Variants in PLCG2 observed in about 807,000 individuals in gnomAD.
PLCG2 encodes the protein 1-phosphatidylinositol 4,5-bisphosphate phosphodiesterase gamma-2.
A neutral mutation model predicts 175.6 loss-of-function variants in PLCG2; 69 were observed. That is an observed-to-expected ratio of 0.39 (90% CI 0.32 to 0.48). The LOEUF (loss-of-function observed/expected upper bound fraction) is 0.48, where lower values mean the gene tolerates loss of function less well. PLCG2 is among the 20% of genes least tolerant of loss of function. The probability of loss-of-function intolerance (pLI) is 0.91; values close to 1 mark genes in which losing one functional copy is unlikely to be tolerated. For missense variants in PLCG2, 1,798 were observed against 1,650.9 expected (o/e 1.09, Z -1.54); for synonymous variants, 827 against 624.0 (o/e 1.33, Z -4.85).
At chr16:81,903,727 C>T (rs989679287) in intron 14 of PLCG2, among the ~76,000 whole-genome samples, 6 of 152,188 alleles carry the variant, frequency 3.9e-5, no homozygotes, top group African/African-American at 1.4e-4. Flanking sequence ...AGCCTGGTTG[C>T]ATGTGCTCTT....
intron 7 of PLCG2, among the ~76,000 whole-genome samples, chr16:81,879,825 C>T (rs996416253): frequency 2.6e-5 from 4 of 152,164 alleles, no homozygotes; most frequent in Non-Finnish European, 4.4e-5. Flanking sequence ...TGCTCCATGG[C>T]GCCCCCCTTG....
intron 2 of PLCG2, among the ~76,000 whole-genome samples, chr16:81,773,909 A>G (rs1374451728): frequency 6.6e-6 from 1 of 152,076 alleles, no homozygotes; most frequent in Non-Finnish European, 1.5e-5. Flanking sequence ...TGTGCCCATC[A>G]TGCAGGACTT....
At chr16:81,822,546 C>T (rs1904845938) in intron 2 of PLCG2, among the ~76,000 whole-genome samples, 1 of 152,040 alleles carries the variant, frequency 6.6e-6, no homozygotes, top group Non-Finnish European at 1.5e-5. Context: ...CACCTGAGGT[C>T]AGCAGTTCGA....
chr16:81,825,810 G>C (rs1905022201), intron 2 of PLCG2, among the ~76,000 whole-genome samples: 1 of 152,190 alleles, frequency 6.6e-6, no homozygotes, highest in African/African-American at 2.4e-5. Flanking sequence ...CTTGTCACCA[G>C]ATTGACCAAA....
rs1446046469 is a variant in PLCG2 at position 81,844,038 on chromosome 16, G to A, written c.194-10406G>A. Among the ~76,000 whole-genome samples, 5 of 149,586 alleles carry A rather than the reference G, an allele frequency of 3.3e-5. No homozygotes were observed. The South Asian group carries it at 8.4e-4, about 25-fold the overall frequency. On this transcript the variant is annotated intron_variant, in intron 2 of 32. Transcript: ENST00000564138. ...GTGGCCCAGGCTGGAGTGCAGTGGTGTGACGTCGGCTCACTACAAGCTCTG... is the reference window on the plus strand; with the variant it reads ...GTGGCCCAGGCTGGAGTGCAGTGGTATGACGTCGGCTCACTACAAGCTCTG...
chr16:81,771,221 T>A (rs1409505861), intron 2 of PLCG2, among the ~76,000 whole-genome samples: 1 of 152,118 alleles, frequency 6.6e-6, no homozygotes, highest in Non-Finnish European at 1.5e-5. Flanking sequence ...AGTGAGATTC[T>A]CTATTCTGAC....
chr16:81,841,811 G>T (rs1373237801), intron 2 of PLCG2, among the ~76,000 whole-genome samples: 1 of 152,166 alleles, frequency 6.6e-6, no homozygotes, highest in African/African-American at 2.4e-5. Flanking sequence ...TGCCATGTCA[G>T]ACGCTGCTAC....
intron 2 of PLCG2, among the ~76,000 whole-genome samples, chr16:81,836,229 A>T (rs1905508935): frequency 6.6e-6 from 1 of 152,144 alleles, no homozygotes; most frequent in Non-Finnish European, 1.5e-5. Flanking sequence ...AGAGGGGGAA[A>T]CTGAGGCCCA....
rs541217805 is a variant in PLCG2, at chr16:81,741,150, G to C, written c.-145+1765G>C. Among the ~76,000 whole-genome samples, 11 of 152,238 alleles carry C rather than the reference G, an allele frequency of 7.2e-5. No individual in the cohort carries two copies. The East Asian group carries it at 2.1e-3, about 29-fold the overall frequency. ...ACACCGAGACACTGGCCCACTCTCAGGGAGGTGGGTCCTCCAGGTCTGATG... is the reference window on the plus strand; with the variant it reads ...ACACCGAGACACTGGCCCACTCTCACGGAGGTGGGTCCTCCAGGTCTGATG... On this transcript the variant is annotated intron_variant, in intron 1 of 5. Coordinates refer to the PLCG2 transcript ENST00000565054.
chr16:81,776,952 C>T (rs1910422859), upstream of PLCG2, among the ~76,000 whole-genome samples: 1 of 152,098 alleles, frequency 6.6e-6, no homozygotes, highest in African/African-American at 2.4e-5. Context: ...AGTCGTTCAC[C>T]TGGGGGGTGG....
chr16:81,790,101 C>T (rs8055919), intron 2 of PLCG2, among the ~76,000 whole-genome samples: 147,722 of 152,298 alleles, frequency 0.97, 71,691 homozygotes, highest in East Asian at 1. Context: ...GTGTCTACCC[C>T]ACAGGCTCAT....
intron 2 of PLCG2, among the ~76,000 whole-genome samples, chr16:81,844,772 T>C (rs1379557749): frequency 1.3e-5 from 2 of 152,372 alleles, no homozygotes; most frequent in African/African-American, 2.4e-5. Flanking sequence ...TGGACACTTG[T>C]ATATAATATG....
chr16:81,779,023 T>C (rs1271309641), upstream of PLCG2, among the ~76,000 whole-genome samples: 1 of 152,002 alleles, frequency 6.6e-6, no homozygotes, highest in Non-Finnish European at 1.5e-5. Flanking sequence ...AATGCCATGA[T>C]ATTGGGGAAT....
At chr16:81,956,999 C>T (rs893978561) in intron 32 of PLCG2, 120 bp downstream of exon 32, 28 of 800,524 alleles carry the variant, frequency 3.5e-5, no homozygotes, top group East Asian at 2.9e-4. Context: ...AATCCTTGGC[C>T]GGGCATGGTG....
At chr16:81,865,078 G>C (rs1907162944) in intron 5 of PLCG2, among the ~76,000 whole-genome samples, 1 of 152,166 alleles carries the variant, frequency 6.6e-6, no homozygotes, top group Admixed American at 6.5e-5. Flanking sequence ...CAGGCAGCTG[G>C]GGAGTCACAA....
chr16:81,750,235 C>T (rs1263331031), intron 1 of PLCG2, among the ~76,000 whole-genome samples: 2 of 151,950 alleles, frequency 1.3e-5, no homozygotes, highest in East Asian at 1.9e-4. Flanking sequence ...TGGTGAAATT[C>T]CATCTCTGCT....
chr16:81,953,468 A>G (rs1911447957), intron 31 of PLCG2, among the ~76,000 whole-genome samples: 2 of 152,076 alleles, frequency 1.3e-5, no homozygotes, highest in Admixed American at 1.3e-4. Flanking sequence ...TTGGTGGGGG[A>G]AAAACTTTAT....
rs140461589 is a variant in PLCG2 at position 81,765,800 on chromosome 16, C to G, written c.-48+9834C>G. 1.9e-3 allele frequency among the ~76,000 whole-genome samples: 282 copies of G among 152,266 alleles called. 1 individual carries two copies. Among genetic ancestry groups the G allele is most frequent in the African/African-American group, 6.5e-3 (270 of 41,546 alleles). ...CTGAATGGTCTGGATGGCTGGTTGACAGCTAAGTTCAGACCCGATGCAAAA... is the reference window on the plus strand; with the variant it reads ...CTGAATGGTCTGGATGGCTGGTTGAGAGCTAAGTTCAGACCCGATGCAAAA... On this transcript the variant is annotated intron_variant, in intron 2 of 5. Coordinates refer to the PLCG2 transcript ENST00000565054.
At chr16:81,894,107 G>C (rs1908770526) in intron 12 of PLCG2, among the ~76,000 whole-genome samples, 1 of 152,012 alleles carries the variant, frequency 6.6e-6, no homozygotes, top group Non-Finnish European at 1.5e-5. Flanking sequence ...GTATCACCTG[G>C]ATTGGGGGGT....
Sources: gnomAD v4.1 joint callset for allele counts (sites outside exome capture counted in the v4.1 genomes callset) on GRCh38, gnomAD v4.1.1 for gene constraint, MANE v1.5 for transcripts, NCBI Gene and HGNC (gene_info 2026-07-23, HGNC 2026-07-21) for gene names.